Variants in MBD5 observed in about 807,000 individuals in gnomAD.
The protein encoded by MBD5 is methyl-CpG binding domain protein 5.
In MBD5, 13 loss-of-function variants were observed where a neutral mutation model predicts 117.3. The observed-to-expected ratio is 0.11, with a 90% CI of 0.07 to 0.18. MBD5 has a LOEUF of 0.18. Ranked by LOEUF, MBD5 falls within the 10% of genes least tolerant of loss-of-function variation. The pLI, the probability that MBD5 is intolerant of heterozygous loss-of-function variation, is 1.00. For missense variants in MBD5, 1,879 were observed against 2,093.8 expected, an observed-to-expected ratio of 0.90 and a Z score of 2.00; for synonymous variants, 727 against 766.4, an observed-to-expected ratio of 0.95 and a Z score of 0.85.
chr2:148,088,266 A>C (rs535478297), intron 1 of MBD5, among the ~76,000 whole-genome samples: 2 of 152,256 alleles, frequency 1.3e-5, no homozygotes, highest in African/African-American at 2.4e-5. Context: ...AGATAAATTT[A>C]AAAGTTTGGA....
intron 1 of MBD5, among the ~76,000 whole-genome samples, chr2:148,075,036 A>G (rs922771707): frequency 5.3e-5 from 8 of 152,278 alleles, no homozygotes; most frequent in African/African-American, 1.9e-4. Context: ...GGGATTGTCA[A>G]TTGTTAATTA....
At chr2:148,438,835 C>T (rs1298859820) in intron 4 of MBD5, among the ~76,000 whole-genome samples, 2 of 152,170 alleles carry the variant, frequency 1.3e-5, no homozygotes, top group East Asian at 1.9e-4. Context: ...TGTATTACTT[C>T]TCTCTAGGTC....
chr2:148,046,545 T>C (rs1694539903), intron 1 of MBD5, among the ~76,000 whole-genome samples: 1 of 152,076 alleles, frequency 6.6e-6, no homozygotes, highest in Non-Finnish European at 1.5e-5. Flanking sequence ...CTACCCCAAT[T>C]CCCCAAGTTA....
At position 148,073,632 on chromosome 2, in the gene MBD5, C is replaced by G. The variant is rs543398596; in HGVS notation, c.-925+51948C>G. 4.2e-4 allele frequency among the ~76,000 whole-genome samples: 64 copies of G among 152,298 alleles called. 3 individuals are homozygous for G. The South Asian group carries it at 0.013, about 31-fold the overall frequency. On this transcript the variant is annotated intron_variant, in intron 1 of 13. Coordinates refer to ENST00000642680, the MANE Select transcript of MBD5 (RefSeq NM_001378120.1). Reference sequence around the variant, plus strand: ...TATTAATATTTATCAAGCACATACACTTAATGTGCTAGACACTATTCTAGG... The same window carrying G: ...TATTAATATTTATCAAGCACATACAGTTAATGTGCTAGACACTATTCTAGG...
chr2:148,241,420 C>T (rs1006266317), intron 3 of MBD5, among the ~76,000 whole-genome samples: 2 of 152,080 alleles, frequency 1.3e-5, no homozygotes, highest in African/African-American at 4.8e-5. Flanking sequence ...GGTTCAAACT[C>T]GAAACTCTTT....
intron 2 of MBD5, among the ~76,000 whole-genome samples, chr2:148,182,076 T>G (rs1188152603): frequency 6.6e-6 from 1 of 152,094 alleles, no homozygotes. Context: ...CCTCTGGAAC[T>G]ATGTTAACGA....
At chr2:148,483,062 A>G in intron 8 of MBD5, 48 bp from the exon 9 acceptor site, 3 of 1,585,326 alleles carry the variant, frequency 1.9e-6, no homozygotes, top group South Asian at 2.3e-5. Flanking sequence ...CTCACATAAC[A>G]TTCATGATTA....
At chr2:148,232,277 G>A (rs1391056759) in intron 2 of MBD5, among the ~76,000 whole-genome samples, 1 of 152,190 alleles carries the variant, frequency 6.6e-6, no homozygotes, top group Non-Finnish European at 1.5e-5. Context: ...GTCTTTGGGG[G>A]ATTTTGAACA....
At chr2:148,033,670 G>A (rs1694104876) in intron 1 of MBD5, among the ~76,000 whole-genome samples, 1 of 152,170 alleles carries the variant, frequency 6.6e-6, no homozygotes, top group Non-Finnish European at 1.5e-5. Flanking sequence ...AGGAAGATAT[G>A]TACAAGTCTT....
intron 1 of MBD5, among the ~76,000 whole-genome samples, chr2:148,116,213 C>CT (rs1371415586): frequency 2.9e-5 from 4 of 137,232 alleles, no homozygotes; most frequent in Non-Finnish European, 4.8e-5. Context: ...TGTTCCTTCC[C>CT]CCCACCAAGA....
At chr2:148,412,568 TATTG>T (rs756225510) in intron 4 of MBD5, among the ~76,000 whole-genome samples, 2 of 152,146 alleles carry the variant, frequency 1.3e-5, no homozygotes, top group Non-Finnish European at 2.9e-5. Flanking sequence ...ATCTTAATGA[TATTG>T]ATTCTTCCTC....
At position 148,396,345 on chromosome 2, in the gene MBD5, G is replaced by A. The variant is rs185698859; in HGVS notation, c.-557+54009G>A. On this transcript the variant is annotated intron_variant, in intron 4 of 13. Transcript: ENST00000642680. ...CAGCATGGTGACCATGCACAGCGGC[G>A]GCTACAAGCAAAATTCCACTGCCCT... Among the ~76,000 whole-genome samples, 22 of 152,248 alleles carry A rather than the reference G, an allele frequency of 1.4e-4. No homozygotes were observed. The East Asian group carries it at 2.9e-3, about 20-fold the overall frequency.
Position 148,469,722 on chromosome 2 carries a change from A to G in MBD5, c.1779A>G (p.Lys593=), listed in dbSNP as rs1680727556. ...AAKAQLANQN[K]LAGNNSSSSS... ...AAGCACAGCTAGCAAATCAAAACAA[A>G]CTTGCTGGTAACAACAGTAGCAGCA... Residue 593 remains lysine (K), a synonymous_variant, in exon 8 of 14, where the codon AAA becomes AAG. Coordinates refer to ENST00000642680, the MANE Select transcript of MBD5 (RefSeq NM_001378120.1). 6.2e-7 allele frequency: 1 copy of G among 1,613,802 alleles called. No individual in the cohort carries two copies. The highest frequency in any genetic ancestry group is 8.5e-7 in the Non-Finnish European group (1 of 1,179,884).
chr2:148,043,606 C>T (rs973262823), intron 1 of MBD5, among the ~76,000 whole-genome samples: 1 of 152,144 alleles, frequency 6.6e-6, no homozygotes, highest in Non-Finnish European at 1.5e-5. Flanking sequence ...ATGGATTACA[C>T]CAGTTCTGCC....
intron 4 of MBD5, among the ~76,000 whole-genome samples, chr2:148,389,271 T>C (rs1210681653): frequency 2.6e-5 from 2 of 76,100 alleles, no homozygotes; most frequent in African/African-American, 1.2e-4. Flanking sequence ...TATATATATA[T>C]ATATATATAT....
At chr2:148,463,384 A>G (rs1236788919) in intron 6 of MBD5, among the ~76,000 whole-genome samples, 1 of 152,234 alleles carries the variant, frequency 6.6e-6, no homozygotes, top group Admixed American at 6.5e-5. Context: ...GTTAATATGT[A>G]GAAATATCAT....
intron 2 of MBD5, among the ~76,000 whole-genome samples, chr2:148,200,047 C>A (rs1028555767): frequency 7.2e-5 from 11 of 152,180 alleles, no homozygotes; most frequent in Non-Finnish European, 1.5e-4. Flanking sequence ...AAATTACCTC[C>A]TCAATCTGAA....
intron 1 of MBD5, among the ~76,000 whole-genome samples, chr2:148,150,334 G>A (rs1697616942): frequency 6.6e-6 from 1 of 150,838 alleles, no homozygotes; most frequent in South Asian, 2.1e-4. Flanking sequence ...TGCTGTTTTG[G>A]TTACTATAGC....
intron 3 of MBD5, among the ~76,000 whole-genome samples, chr2:148,289,321 A>G (rs1192875835): frequency 6.6e-6 from 1 of 152,314 alleles, no homozygotes; most frequent in South Asian, 2.1e-4. Context: ...TCTTCTTTCA[A>G]TATAGGTTAT....
Sources: allele counts gnomAD v4.1 joint callset (sites outside exome capture counted in the v4.1 genomes callset), GRCh38; gene constraint gnomAD v4.1.1; transcripts MANE v1.5; gene names NCBI Gene and HGNC (gene_info 2026-07-23, HGNC 2026-07-21).